Variants in SPO11 observed in about 807,000 individuals in gnomAD.
SPO11 encodes the protein SPO11 initiator of meiotic double strand breaks.
In SPO11, 49 loss-of-function variants were observed where a neutral mutation model predicts 51.6. The observed-to-expected ratio is 0.95, with a 90% CI of 0.75 to 1.20. The LOEUF (loss-of-function observed/expected upper bound fraction) is 1.20, where lower values mean the gene tolerates loss of function less well. SPO11 is among the 50% of genes most tolerant of loss of function. SPO11 has a pLI of 0.00. For synonymous variants in SPO11, 176 were observed against 158.2 expected, an observed-to-expected ratio of 1.11 and a Z score of -0.84; for missense variants, 431 against 473.4, an observed-to-expected ratio of 0.91 and a Z score of 0.83.
rs1191677070 is a variant in SPO11 at position 57,343,272 on chromosome 20, C to T, written c.1072-69C>T. ...TGGAGAATAAAGCAATTCTAGATTACTAGTTTGTTGAATTGACAGAAATGC... is the reference window on the plus strand; with the variant it reads ...TGGAGAATAAAGCAATTCTAGATTATTAGTTTGTTGAATTGACAGAAATGC... On this transcript the variant is annotated intron_variant, in intron 12 of 12. Coordinates refer to ENST00000371263, the MANE Select transcript of SPO11 (RefSeq NM_012444.3). 3 of 1,552,068 alleles carry T rather than the reference C, an allele frequency of 1.9e-6. No homozygotes were observed. In the African/African-American group the frequency reaches 4.2e-5, roughly 22 times the overall value.
rs2066532887 is a variant in SPO11, at chr20:57,337,941, G to A, written c.745-335G>A. 2.0e-5 allele frequency among the ~76,000 whole-genome samples: 3 copies of A among 152,278 alleles called. No individual in the cohort carries two copies. The South Asian group carries it at 6.2e-4, about 32-fold the overall frequency. On this transcript the variant is annotated intron_variant, in intron 8 of 12. Coordinates refer to ENST00000371263, the MANE Select transcript of SPO11 (RefSeq NM_012444.3). ...TCACTCTTTTTGCCCAGGCTGGAGTGCAATGGCGTGATTTCGGCTCATTGC... is the reference window on the plus strand; with the variant it reads ...TCACTCTTTTTGCCCAGGCTGGAGTACAATGGCGTGATTTCGGCTCATTGC...
intron 8 of SPO11, 74 bp downstream of exon 8, chr20:57,335,981 T>A (rs1159820082): frequency 2.4e-6 from 2 of 827,596 alleles, no homozygotes; most frequent in Non-Finnish European, 4.0e-6. Context: ...GGATTTACAA[T>A]ATTATCTACA....
intron 10 of SPO11, 117 bp downstream of exon 10, chr20:57,339,143 G>A (rs2066549561): frequency 1.7e-6 from 1 of 571,528 alleles, no homozygotes; most frequent in Non-Finnish European, 3.0e-6. Flanking sequence ...AAGTGTACCT[G>A]AGGGCCTAGT....
At chr20:57,337,602 A>C in intron 8 of SPO11, 1 of 496,782 alleles carries the variant, frequency 2.0e-6, no homozygotes, top group Non-Finnish European at 3.3e-6. Context: ...ATAACACTTC[A>C]GTGAGCATCT....
chr20:57,338,424 TTTG>T (rs1446318893), intron 9 of SPO11, 49 bp downstream of exon 9: 2 of 1,334,016 alleles, frequency 1.5e-6, no homozygotes, highest in Admixed American at 2.1e-5. Flanking sequence ...CTAAATCATA[TTTG>T]TTGTTGTGTT....
intron 10 of SPO11, 107 bp from the exon 11 acceptor site, chr20:57,339,995 G>C (rs2066561123): frequency 4.1e-6 from 3 of 737,592 alleles, no homozygotes; most frequent in Non-Finnish European, 7.2e-6. Context: ...TGTGAAGCCA[G>C]CTTTAGTACT....
chr20:57,337,779 G>T, intron 8 of SPO11: 1 of 1,307,586 alleles, frequency 7.6e-7, no homozygotes, highest in Non-Finnish European at 1.0e-6. Context: ...AAGGTAGGAA[G>T]ATGTAACCCT....
chr20:57,333,047 C>G (rs1283549071), intron 2 of SPO11, 141 bp from the exon 3 acceptor site: 1 of 591,890 alleles, frequency 1.7e-6, no homozygotes, highest in Non-Finnish European at 2.9e-6. Flanking sequence ...GCTCTCAAAC[C>G]AGTTGATCCT....
chr20:57,339,479 A>G (rs1568763031), intron 10 of SPO11, among the ~76,000 whole-genome samples: 1 of 152,308 alleles, frequency 6.6e-6, no homozygotes, highest in East Asian at 1.9e-4. Context: ...TGTGGTCCTA[A>G]GCCAGGAGCA....
At position 57,334,073 on chromosome 20, in the gene SPO11, T is replaced by C; in HGVS notation, c.488T>C (p.Val163Ala). The C allele has an allele frequency of 6.3e-7, 1 of 1,580,160 alleles. No individual in the cohort carries two copies. The change falls in exon 5 of 13, where the codon GTG (valine) becomes GCG (alanine). Residue 163 changes from valine (V) to alanine (A), a missense_variant. By Grantham distance (64) the Val-to-Ala change is moderately conservative. This residue lies in a region of SPO11 where 405 missense variants were observed against 425.9 expected (regional missense o/e 0.95). Transcript: ENST00000371263. ...IINDISCMLK[V>A]SRRSLHILST... ...AATGACATTTCTTGCATGTTAAAAG[T>C]GTCAAGGAGGAGTCTACATATAGTA...
intron 5 of SPO11, 102 bp from the exon 6 acceptor site, chr20:57,334,648 A>G: frequency 1.3e-6 from 1 of 798,700 alleles, no homozygotes; most frequent in Admixed American, 2.8e-5. Flanking sequence ...TTTCAATCCA[A>G]GTGAAAATGC....
At position 57,339,026 on chromosome 20, in the gene SPO11, G is replaced by T; in HGVS notation, c.882G>T (p.Met294Ile). Residue 294 changes from methionine to isoleucine, a missense_variant and splice_region_variant, in exon 10 of 13, where the codon ATG becomes ATT. This residue lies in a region of SPO11 where 405 missense variants were observed against 425.9 expected (regional missense o/e 0.95). Transcript: ENST00000371263. Reference sequence around the variant, plus strand: ...TGTGCATCTATAAGTATGGATCTATGGTAAGTATAGAAAAGCAGTTTTCCT... The same window carrying T: ...TGTGCATCTATAAGTATGGATCTATTGTAAGTATAGAAAAGCAGTTTTCCT... ...EIMCIYKYGS[M>I]SMSFEAHHLT... The T allele has an allele frequency of 6.8e-7, 1 of 1,466,794 alleles. No individual in the cohort carries two copies. The highest frequency in any genetic ancestry group is 1.3e-5 in the South Asian group (1 of 79,236). The allele number at this position is 1,466,794 out of a possible 1,614,324, so 90.9% of individuals were successfully genotyped here.
In SPO11 at chr20:57,335,725, T is replaced by C. The variant is rs569825893; in HGVS notation, c.635-73T>C. ...TCTATAGCTGCTTTTGAATTATCTA[T>C]ATGGCACCTTAATTTAGTTGGTGAT... On this transcript the variant is annotated intron_variant, in intron 7 of 12. Transcript: ENST00000371263. 3.7e-5 allele frequency: 34 copies of C among 918,370 alleles called. No homozygotes were observed. In the African/African-American group the frequency reaches 5.0e-4, roughly 13 times the overall value. 56.9% of individuals were successfully genotyped at this position (918,370 alleles called of 1,614,324 possible).
chr20:57,330,218 C>T (rs1010306820), intron 1 of SPO11, among the ~76,000 whole-genome samples: 1 of 152,194 alleles, frequency 6.6e-6, no homozygotes, highest in Non-Finnish European at 1.5e-5. Flanking sequence ...CCTTCTGTGG[C>T]TTCTAGGATG....
chr20:57,333,405 T>G, intron 3 of SPO11, 129 bp downstream of exon 3: 1 of 682,844 alleles, frequency 1.5e-6, no homozygotes, highest in South Asian at 2.2e-5. Context: ...TAAAATAAAT[T>G]TCTATAATTT....
At position 57,343,433 on chromosome 20, in the gene SPO11, C is replaced by G. The variant is rs1568766255; in HGVS notation, c.1164C>G (p.Asn388Lys). 6.3e-7 allele frequency: 1 copy of G among 1,597,892 alleles called. No homozygotes were observed. The highest frequency in any genetic ancestry group is 8.5e-7 in the Non-Finnish European group (1 of 1,175,312). ...ATCTTTCCAGAGTGTACTTACCTAA[C>G]AAATTAAAATTTGGAGGATGGATAT... ...SDYLSRVYLPNKLKFGGWI is the reference protein window; with the variant it reads ...SDYLSRVYLPKKLKFGGWI The change falls in exon 13 of 13, where the codon AAC becomes AAG. Residue 388 changes from asparagine (N) to lysine (K), a missense_variant. Asn to Lys is a moderately conservative substitution (Grantham distance 94). This residue lies in a region of SPO11 where 23 missense variants were observed against 27.3 expected (regional missense o/e 0.84). Transcript: ENST00000371263.
intron 8 of SPO11, 141 bp from the exon 9 acceptor site, chr20:57,338,135 C>T: frequency 3.1e-6 from 2 of 655,150 alleles, no homozygotes; most frequent in Non-Finnish European, 5.2e-6. Context: ...GATCGATCCC[C>T]CTACCTTGGC....
intron 9 of SPO11, among the ~76,000 whole-genome samples, chr20:57,338,763 T>G (rs1426160480): frequency 6.6e-6 from 1 of 152,134 alleles, no homozygotes; most frequent in Non-Finnish European, 1.5e-5. Context: ...TGTTTTCTAC[T>G]CTCGGGACAC....
chr20:57,343,275 G>C, intron 12 of SPO11, 66 bp from the exon 13 acceptor site: 1 of 1,566,646 alleles, frequency 6.4e-7, no homozygotes, highest in Non-Finnish European at 8.7e-7. Context: ...TAGATTACTA[G>C]TTTGTTGAAT....
Sources: allele counts gnomAD v4.1 joint callset (sites outside exome capture counted in the v4.1 genomes callset), GRCh38; gene constraint gnomAD v4.1.1; regional missense constraint gnomAD v4.1.1; transcripts MANE v1.5; gene names NCBI Gene and HGNC (gene_info 2026-07-23, HGNC 2026-07-21).